The following CACNA2D3 variants were observed in gnomAD, a reference collection of about 807,000 sequenced individuals.
CACNA2D3 encodes the protein voltage-dependent calcium channel subunit alpha-2/delta-3.
A neutral mutation model predicts 160.6 loss-of-function variants in CACNA2D3; 60 were observed. The ratio of observed to expected loss-of-function variants is 0.37; its 90% CI spans 0.30 to 0.46. CACNA2D3 has a LOEUF of 0.46. CACNA2D3 is among the 20% of genes least tolerant of loss of function. The pLI is 1.00. For missense variants in CACNA2D3, 1,205 were observed against 1,365.0 expected (o/e 0.88, Z 1.85); for synonymous variants, 558 against 492.9 (o/e 1.13, Z -1.75).
chr3:54,565,009 C>A (rs1014917047), intron 6 of CACNA2D3, among the ~76,000 whole-genome samples: 1 of 152,082 alleles, frequency 6.6e-6, no homozygotes, highest in South Asian at 2.1e-4. Flanking sequence ...GTGATCTCCT[C>A]GTAATGGGGA....
chr3:54,891,318 T>C (rs767767275), intron 24 of CACNA2D3, 37 bp from the exon 25 acceptor site: 1 of 1,433,060 alleles, frequency 7.0e-7, no homozygotes, highest in Non-Finnish European at 9.8e-7. Context: ...GCTTACTGTC[T>C]AGAGGCCTCC....
chr3:54,205,264 G>GT (rs1175634987), intron 2 of CACNA2D3, among the ~76,000 whole-genome samples: 4 of 152,072 alleles, frequency 2.6e-5, no homozygotes, highest in East Asian at 1.9e-4. Flanking sequence ...GATTTTTTTT[G>GT]TTTTTTATGG....
intron 13 of CACNA2D3, among the ~76,000 whole-genome samples, chr3:54,770,174 T>C (rs867018942): frequency 6.6e-6 from 1 of 152,216 alleles, no homozygotes; most frequent in Non-Finnish European, 1.5e-5. Flanking sequence ...TCTATAAATA[T>C]CCTATAAAGA....
intron 11 of CACNA2D3, among the ~76,000 whole-genome samples, chr3:54,748,343 T>G (rs749413009): frequency 1.3e-5 from 2 of 152,190 alleles, no homozygotes; most frequent in Non-Finnish European, 2.9e-5. Flanking sequence ...CTGATAGGGA[T>G]TGCTTCTATG....
chr3:54,670,671 G>A (rs190455127), intron 11 of CACNA2D3, among the ~76,000 whole-genome samples: 1 of 152,316 alleles, frequency 6.6e-6, no homozygotes, highest in Admixed American at 6.5e-5. Flanking sequence ...GACTGTCAGG[G>A]TCCTGTTCTT....
chr3:55,067,103 G>GGA (rs770618246), intron 35 of CACNA2D3, among the ~76,000 whole-genome samples: 2 of 151,498 alleles, frequency 1.3e-5, no homozygotes, highest in East Asian at 2.0e-4. Flanking sequence ...TTTTGTAGCG[G>GGA]GGGGGGCTTT....
Position 55,073,433 on chromosome 3 carries a change from T to C in CACNA2D3, c.2988-12T>C. On this transcript the variant is annotated splice_polypyrimidine_tract_variant and intron_variant, in intron 35 of 37. Coordinates refer to ENST00000474759, the MANE Select transcript of CACNA2D3 (RefSeq NM_018398.3). ...TGGTAAATGACTGCCTCGCTACCTC[T>C]TGTTCCAACAGGTCCTTTGTCATCC... The C allele has an allele frequency of 3.1e-6, 5 of 1,605,940 alleles. No individual in the cohort carries two copies. Among genetic ancestry groups the C allele is most frequent in the Non-Finnish European group, 4.3e-6 (5 of 1,172,560 alleles).
intron 5 of CACNA2D3, among the ~76,000 whole-genome samples, chr3:54,523,590 G>T (rs185632932): frequency 6.6e-6 from 1 of 152,084 alleles, no homozygotes; most frequent in South Asian, 2.1e-4. Flanking sequence ...GGAAGAGTTC[G>T]TGAAGAATTG....
At chr3:54,326,917 A>G (rs898929199) in intron 3 of CACNA2D3, among the ~76,000 whole-genome samples, 2 of 152,162 alleles carry the variant, frequency 1.3e-5, no homozygotes, top group African/African-American at 4.8e-5. Flanking sequence ...TTAATTTTTT[A>G]TGTTGATGTA....
rs573707790 is a variant in CACNA2D3 at position 55,009,443 on chromosome 3, G to A, written c.2875G>A (p.Ala959Thr). ...GTGGCACTCCGATATGACAGCTAAA[G>A]GTGAGCAGCAACTGGTTTCTGTTTC... ...SWWHSDMTAK[A>T]QKLKQTLEPC... Residue 959 changes from alanine to threonine, a missense_variant and splice_region_variant, in exon 34 of 38, where the codon GCC becomes ACC. Physicochemically the swap from Ala to Thr is moderately conservative, Grantham distance 58. This residue lies in a region of CACNA2D3 where 911 missense variants were observed against 1,002.2 expected (regional missense o/e 0.91). Coordinates refer to ENST00000474759, the MANE Select transcript of CACNA2D3 (RefSeq NM_018398.3). The A allele has an allele frequency of 6.2e-7, 1 of 1,613,688 alleles. No homozygotes were observed. The highest frequency in any genetic ancestry group is 1.7e-5 in the Admixed American group (1 of 60,024).
chr3:54,600,019 G>A (rs1052920173), intron 9 of CACNA2D3, among the ~76,000 whole-genome samples: 6 of 152,180 alleles, frequency 3.9e-5, no homozygotes, highest in African/African-American at 7.2e-5. Context: ...GCACGGCCCC[G>A]GAGTTTTTAT....
rs118027675 is a variant in CACNA2D3, at chr3:55,073,026, C to G, written c.2988-419C>G. 3.3e-5 allele frequency among the ~76,000 whole-genome samples: 5 copies of G among 152,294 alleles called. No homozygotes were observed. The East Asian group carries it at 9.6e-4, about 29-fold the overall frequency. On this transcript the variant is annotated intron_variant, in intron 35 of 37. Transcript: ENST00000474759. Reference sequence around the variant, plus strand: ...GCCATTGGTATGACATAGTTTCAGTCTATCGTTGAGGGAAGGAGGAGAGAA... The same window carrying G: ...GCCATTGGTATGACATAGTTTCAGTGTATCGTTGAGGGAAGGAGGAGAGAA...
At chr3:54,477,989 T>G (rs1489654388) in intron 4 of CACNA2D3, among the ~76,000 whole-genome samples, 3 of 152,214 alleles carry the variant, frequency 2.0e-5, no homozygotes, top group Non-Finnish European at 2.9e-5. Flanking sequence ...TAATTCACTA[T>G]TAATATGTCT....
intron 5 of CACNA2D3, among the ~76,000 whole-genome samples, chr3:54,521,104 T>G (rs1701640330): frequency 6.6e-6 from 1 of 152,244 alleles, no homozygotes; most frequent in African/African-American, 2.4e-5. Context: ...ATGTTTTCAT[T>G]TCTCTTGGGT....
intron 27 of CACNA2D3, among the ~76,000 whole-genome samples, chr3:54,934,203 G>A (rs1381781699): frequency 1.3e-5 from 2 of 152,142 alleles, no homozygotes; most frequent in African/African-American, 4.8e-5. Flanking sequence ...AATATTAAGG[G>A]AACCTATAGT....
At chr3:54,939,998 C>T (rs894732682) in intron 27 of CACNA2D3, among the ~76,000 whole-genome samples, 1 of 152,158 alleles carries the variant, frequency 6.6e-6, no homozygotes, top group Non-Finnish European at 1.5e-5. Context: ...TCTAGGACTC[C>T]CATCTGAGCA....
At chr3:54,463,825 C>G (rs1416274240) in intron 4 of CACNA2D3, among the ~76,000 whole-genome samples, 1 of 152,210 alleles carries the variant, frequency 6.6e-6, no homozygotes, top group Non-Finnish European at 1.5e-5. Flanking sequence ...GAACTGCGTT[C>G]TTTTGGAGGA....
intron 4 of CACNA2D3, among the ~76,000 whole-genome samples, chr3:54,391,838 G>A (rs1699288011): frequency 6.6e-6 from 1 of 152,098 alleles, no homozygotes; most frequent in Non-Finnish European, 1.5e-5. Context: ...TGTGGACACT[G>A]GTGTCAGTTC....
chr3:54,619,916 A>C (rs1698945964), intron 9 of CACNA2D3, among the ~76,000 whole-genome samples: 1 of 152,152 alleles, frequency 6.6e-6, no homozygotes, highest in South Asian at 2.1e-4. Context: ...TCCCAGGTTG[A>C]GGTTAGGGTT....
Sources: gnomAD v4.1 joint callset for allele counts (sites outside exome capture counted in the v4.1 genomes callset) on GRCh38, gnomAD v4.1.1 for gene constraint, gnomAD v4.1.1 regional missense constraint, MANE v1.5 for transcripts, NCBI Gene and HGNC (gene_info 2026-07-23, HGNC 2026-07-21) for gene names.